The following MTUS1 variants were observed in gnomAD, a reference collection of about 807,000 sequenced individuals.
The protein encoded by MTUS1 is microtubule associated scaffold protein 1.
Under a neutral mutation model 120.8 loss-of-function variants are expected in MTUS1, and 109 were observed. The observed-to-expected ratio is 0.90, with a 90% confidence interval of 0.77 to 1.06. MTUS1 has a LOEUF of 1.06. MTUS1 is among the 50% of genes least tolerant of loss of function. The pLI, the probability that MTUS1 is intolerant of heterozygous loss-of-function variation, is 0.00. For synonymous variants in MTUS1, 737 were observed against 550.5 expected (o/e 1.34, Z -4.74); for missense variants, 2,210 against 1,486.3 (o/e 1.49, Z -8.01).
chr8:17,677,082 G>A (rs774531083), intron 7 of MTUS1, among the ~76,000 whole-genome samples: 4 of 152,094 alleles, frequency 2.6e-5, no homozygotes, highest in African/African-American at 9.7e-5. Context: ...TAAATGCTTG[G>A]TTTTTAAAAA....
At chr8:17,697,941 T>C (rs1818298735) in intron 6 of MTUS1, among the ~76,000 whole-genome samples, 1 of 152,246 alleles carries the variant, frequency 6.6e-6, no homozygotes, top group Admixed American at 6.5e-5. Flanking sequence ...TTTCTCTAGA[T>C]ATTTTACATG....
At chr8:17,665,818 G>GA (rs1390132672) in intron 8 of MTUS1, among the ~76,000 whole-genome samples, 1 of 152,206 alleles carries the variant, frequency 6.6e-6, no homozygotes, top group Non-Finnish European at 1.5e-5. Flanking sequence ...AAGCACTGCT[G>GA]AAAAGATTCC....
chr8:17,774,436 T>A (rs2050255635), intron 1 of MTUS1, among the ~76,000 whole-genome samples: 1 of 152,200 alleles, frequency 6.6e-6, no homozygotes, highest in Non-Finnish European at 1.5e-5. Flanking sequence ...AGTTTACCCC[T>A]TTCTAAAATG....
At position 17,715,786 on chromosome 8, in the gene MTUS1, C is replaced by G. The variant is rs375223669; in HGVS notation, c.2565G>C (p.Leu855Phe). The G allele has an allele frequency of 1.2e-6, 2 of 1,612,800 alleles. No homozygotes were observed. Among genetic ancestry groups the G allele is most frequent in the Admixed American group, 3.4e-5 (2 of 59,654 alleles). ...CTGTACCTTTTGGAGGAGTTTTCAT[C>G]AAGTGAACATGAGCCCTGGATACCA... ...KPLVSRAHVH[L>F]MKTPPKGPSR... Residue 855 changes from leucine to phenylalanine, a missense_variant, in exon 5 of 15, where the codon TTG (leucine) becomes TTC (phenylalanine). Physicochemically the swap from Leu to Phe is conservative, Grantham distance 22. Coordinates refer to ENST00000693296, the MANE Select transcript of MTUS1 (RefSeq NM_001363059.2).
At chr8:17,679,023 T>C (rs10112153) in intron 7 of MTUS1, among the ~76,000 whole-genome samples, 86,543 of 151,468 alleles carry the variant, frequency 0.57, 25,473 homozygotes, top group Middle Eastern at 0.7. Context: ...ATTCATGAGA[T>C]ATAAGAATGT....
chr8:17,772,559 A>G (rs1476516004), intron 1 of MTUS1, among the ~76,000 whole-genome samples: 1 of 152,218 alleles, frequency 6.6e-6, no homozygotes, highest in East Asian at 1.9e-4. Context: ...TTATGGCTAC[A>G]ATCACTGATG....
At chr8:17,798,624 A>G (rs2052444765) in intron 1 of MTUS1, among the ~76,000 whole-genome samples, 1 of 152,172 alleles carries the variant, frequency 6.6e-6, no homozygotes, top group Non-Finnish European at 1.5e-5. Flanking sequence ...GAGCCACCGC[A>G]CCCGGCTGGA....
chr8:17,753,765 C>T lies in MTUS1; in HGVS notation c.2043G>A (p.Leu681=). The change falls in exon 2 of 15, where the codon CTG becomes CTA. Residue 681 remains leucine, a synonymous_variant. Transcript: ENST00000693296. ...ENGTSMEKQE[L]KQEIMNETFE... ...AAGTCTCATTCATAATCTCTTGTTT[C>T]AGCTCTTGTTTTTCCATAGATGTCC... is the stretch of plus-strand genomic sequence containing the variant. The T allele has an allele frequency of 1.2e-6, 2 of 1,612,744 alleles. No homozygotes were observed. Among genetic ancestry groups the T allele is most frequent in the Non-Finnish European group, 1.7e-6 (2 of 1,179,706 alleles).
intron 3 of MTUS1, among the ~76,000 whole-genome samples, chr8:17,728,442 T>G (rs2046356129): frequency 6.6e-6 from 1 of 152,190 alleles, no homozygotes. Context: ...GACAATAGAT[T>G]CACATGAAGG....
At chr8:17,716,455 C>G (rs1822346802) in intron 4 of MTUS1, 1 of 152,344 alleles carries the variant, frequency 6.6e-6, no homozygotes, top group Non-Finnish European at 1.5e-5. Flanking sequence ...AAAGCAAAAA[C>G]ATAAAAGGGA....
intron 8 of MTUS1, among the ~76,000 whole-genome samples, chr8:17,656,925 G>A (rs1808402302): frequency 6.6e-6 from 1 of 150,970 alleles, no homozygotes; most frequent in Non-Finnish European, 1.5e-5. Flanking sequence ...CGGGTGTGGT[G>A]GTGGGCGCCT....
chr8:17,755,112 T>G lies in MTUS1; in HGVS notation c.696A>C (p.Gln232His), dbSNP rs200675181. 1 of 1,614,044 alleles carries G rather than the reference T, an allele frequency of 6.2e-7. No individual in the cohort carries two copies. The highest frequency in any genetic ancestry group is 1.3e-5 in the African/African-American group (1 of 75,066). The change falls in exon 2 of 15, where the codon CAA becomes CAC. Residue 232 changes from glutamine (Q) to histidine (H), a missense_variant. Physicochemically the swap from Gln to His is conservative, Grantham distance 24. Coordinates refer to ENST00000693296, the MANE Select transcript of MTUS1 (RefSeq NM_001363059.2). ...TGTCTTGGGCTTCTGATGGTGTGAC[T>G]TGAGGGTTTTCAAAGCTTTCTCTAT... ...TYDRESFENPQVTPSEAQDMT... is the reference protein window; with the variant it reads ...TYDRESFENPHVTPSEAQDMT...
chr8:17,735,951 A>C lies in MTUS1; in HGVS notation c.2287+7653T>G, dbSNP rs2046895873. On this transcript the variant is annotated intron_variant, in intron 3 of 14. Coordinates refer to ENST00000693296, the MANE Select transcript of MTUS1 (RefSeq NM_001363059.2). ...CCAGGACAGCTGAGGTGGAATCTGA[A>C]GAGCCAAGAGTTTTCATTGGAACGA... is the stretch of plus-strand genomic sequence containing the variant. Among the ~76,000 whole-genome samples, 7 of 152,342 alleles carry C rather than the reference A, an allele frequency of 4.6e-5. No individual in the cohort carries two copies. In the South Asian group the frequency reaches 1.4e-3, roughly 32 times the overall value.
chr8:17,713,577 T>G lies in MTUS1; in HGVS notation c.2585-325A>C, dbSNP rs201681355. On this transcript the variant is annotated intron_variant, in intron 5 of 14. Coordinates refer to ENST00000693296, the MANE Select transcript of MTUS1 (RefSeq NM_001363059.2). ...TTAACAGTACTGAATTCACAGACTG[T>G]GCACATATGCCATTCTGCTGCCGGG... Among the ~76,000 whole-genome samples, 28 of 152,336 alleles carry G rather than the reference T, an allele frequency of 1.8e-4. 1 individual carries two copies. In the East Asian group the frequency reaches 5.2e-3, roughly 28 times the overall value.
intron 6 of MTUS1, chr8:17,704,266 C>A (rs557641005): frequency 6.6e-6 from 1 of 152,274 alleles, no homozygotes; most frequent in East Asian, 1.9e-4. Flanking sequence ...TAAATGACTG[C>A]TTTGCTCTGC....
At chr8:17,799,867 T>G (rs2052540234) in intron 1 of MTUS1, among the ~76,000 whole-genome samples, 1 of 152,174 alleles carries the variant, frequency 6.6e-6, no homozygotes, top group Non-Finnish European at 1.5e-5. Flanking sequence ...TTTTTTAGCT[T>G]TGGTTTTAAG....
intron 6 of MTUS1, among the ~76,000 whole-genome samples, chr8:17,705,186 G>A (rs188416061): frequency 5.3e-5 from 8 of 152,148 alleles, no homozygotes; most frequent in South Asian, 2.1e-4. Flanking sequence ...GTCTCAGTAC[G>A]TTGCCCAAGC....
chr8:17,716,917 C>T (rs565144875), intron 4 of MTUS1, among the ~76,000 whole-genome samples: 11 of 152,328 alleles, frequency 7.2e-5, no homozygotes, highest in South Asian at 2.1e-4. Flanking sequence ...TACTATTCAA[C>T]GCTTATAAAT....
intron 3 of MTUS1, chr8:17,724,200 A>G (rs921488794): frequency 3.5e-5 from 15 of 431,678 alleles, no homozygotes; most frequent in Admixed American, 2.1e-4. Context: ...ACGACCCCCC[A>G]TACTGGTGAC....
Sources: allele counts gnomAD v4.1 joint callset (sites outside exome capture counted in the v4.1 genomes callset), GRCh38; gene constraint gnomAD v4.1.1; transcripts MANE v1.5; gene names NCBI Gene and HGNC (gene_info 2026-07-23, HGNC 2026-07-21).